The following DNAH6 variants were observed in gnomAD, a reference collection of about 807,000 sequenced individuals.
DNAH6 encodes the protein dynein axonemal heavy chain 6.
Under a neutral mutation model 491.4 loss-of-function variants are expected in DNAH6, and 340 were observed. The observed-to-expected ratio is 0.69, with a 90% CI of 0.63 to 0.76. The LOEUF (loss-of-function observed/expected upper bound fraction) is 0.76. Among genes scored for constraint, DNAH6 ranks in the 30% least tolerant of loss-of-function variants. The pLI, the probability that DNAH6 is intolerant of heterozygous loss-of-function variation, is 0.00. For synonymous variants in DNAH6, 1,603 were observed against 1,686.1 expected (o/e 0.95, Z 1.21); for missense variants, 4,443 against 4,972.2 (o/e 0.89, Z 3.20).
chr2:84,807,909 T>A (rs1008920024), intron 71 of DNAH6, among the ~76,000 whole-genome samples: 1 of 152,058 alleles, frequency 6.6e-6, no homozygotes, highest in African/African-American at 2.4e-5. Context: ...AGAATGAAAA[T>A]AAGCAGGCTT....
intron 35 of DNAH6, among the ~76,000 whole-genome samples, chr2:84,656,493 C>G (rs1029908749): frequency 1.3e-5 from 2 of 151,904 alleles, no homozygotes; most frequent in African/African-American, 4.8e-5. Flanking sequence ...CTAATGGGCA[C>G]GTAGTAGTAT....
intron 33 of DNAH6, among the ~76,000 whole-genome samples, chr2:84,647,664 C>A (rs953406772): frequency 1.3e-5 from 2 of 151,914 alleles, no homozygotes; most frequent in African/African-American, 4.8e-5. Context: ...ATATTTTAAC[C>A]CTTTTCCCAT....
chr2:84,574,684 A>G (rs1454772117), intron 12 of DNAH6, among the ~76,000 whole-genome samples: 2 of 152,204 alleles, frequency 1.3e-5, no homozygotes, highest in Non-Finnish European at 2.9e-5. Context: ...TGTGTGCTGA[A>G]CAGAAGCATA....
intron 37 of DNAH6, among the ~76,000 whole-genome samples, chr2:84,664,812 AT>A (rs974277774): frequency 2.4e-4 from 37 of 152,350 alleles, no homozygotes; most frequent in Middle Eastern, 6.8e-3. Context: ...TCAGCACCAC[AT>A]CGCACTTATT....
the DNAH6 span, among the ~76,000 whole-genome samples, chr2:84,464,065 G>A: frequency 6.6e-6 from 1 of 152,108 alleles, no homozygotes; most frequent in Non-Finnish European, 1.5e-5. Context: ...GCTAGGGTGA[G>A]GTGGATGTAG....
At chr2:84,720,556 G>T (rs1224401964) in intron 59 of DNAH6, among the ~76,000 whole-genome samples, 2 of 151,986 alleles carry the variant, frequency 1.3e-5, no homozygotes, top group African/African-American at 4.8e-5. Context: ...GGGATTACAG[G>T]CGTGAGCCAC....
At position 84,653,288 on chromosome 2, in the gene DNAH6, T is replaced by C. The variant is rs1332777888; in HGVS notation, c.5079-31T>C. 3.5e-6 allele frequency: 5 copies of C among 1,443,760 alleles called. No homozygotes were observed. In the Admixed American group the frequency reaches 1.3e-4, roughly 37 times the overall value. The allele number at this position is 1,443,760 out of a possible 1,614,324, so 89.4% of individuals were successfully genotyped here. A position where few individuals can be genotyped will look rare whatever the true frequency, so the allele number is the denominator to read the frequency against. On this transcript the variant is annotated intron_variant, in intron 33 of 76. Transcript: ENST00000389394. Reference sequence around the variant, plus strand: ...ACGGGAAAATATCAATGACCAGTTGTTCCTAATTGATTTTATTTTTGTTTT... The same window carrying C: ...ACGGGAAAATATCAATGACCAGTTGCTCCTAATTGATTTTATTTTTGTTTT...
In DNAH6 at chr2:84,658,315, T is replaced by C. The variant is rs894883996; in HGVS notation, c.5781T>C (p.Tyr1927=). 2.0e-6 allele frequency: 3 copies of C among 1,538,268 alleles called. No individual in the cohort carries two copies. In the African/African-American group the frequency reaches 4.1e-5, roughly 21 times the overall value. Residue 1927 remains tyrosine (Y), a synonymous_variant, in exon 36 of 77, where the codon TAT becomes TAC. Transcript: ENST00000389394. ...SKKLTEETQE[Y]ILNLFQRYVD... is the part of the protein sequence containing the mutation. ...AGCTGACTGAGGAAACCCAAGAATA[T>C]ATATTGAATCTTTTCCAACGTTATG...
intron 4 of DNAH6, among the ~76,000 whole-genome samples, chr2:84,542,802 A>G (rs993705910): frequency 2.0e-5 from 3 of 152,234 alleles, no homozygotes; most frequent in African/African-American, 4.8e-5. Flanking sequence ...CTTATCGTAC[A>G]TATATACATG....
chr2:84,530,158 G>A (rs906803632), intron 4 of DNAH6, among the ~76,000 whole-genome samples: 1 of 152,096 alleles, frequency 6.6e-6, no homozygotes, highest in South Asian at 2.1e-4. Flanking sequence ...TGCCCTCATG[G>A]AACTGACATT....
In DNAH6 at chr2:84,595,695, A is replaced by G. The variant is rs1684510351; in HGVS notation, c.2774A>G (p.Lys925Arg). ...DPEVLNGQVS[K>R]YAKFVTQLEK... ...GAAGTCCTAAACGGTCAAGTTTCTA[A>G]ATATGCTAAATTTGTGACTCAACTG... The change falls in exon 18 of 77, where the codon AAA becomes AGA. Residue 925 changes from lysine (K) to arginine (R), a missense_variant. By Grantham distance (26) the Lys-to-Arg change is conservative. Around this residue, in one of 3 missense-constraint regions of DNAH6, gnomAD observed 2,977 missense variants for 3,296.6 expected, o/e 0.90. Transcript: ENST00000389394. 4 of 1,551,156 alleles carry G rather than the reference A, an allele frequency of 2.6e-6. No homozygotes were observed. The highest frequency in any genetic ancestry group is 3.5e-6 in the Non-Finnish European group (4 of 1,146,714).
rs149048485 is a variant in DNAH6, at chr2:84,530,581, T to A, written c.662+1415T>A. Among the ~76,000 whole-genome samples, 536 of 152,214 alleles carry A rather than the reference T, an allele frequency of 3.5e-3. 3 individuals carry two copies. The highest frequency in any genetic ancestry group is 0.012 in the African/African-American group (516 of 41,546). On this transcript the variant is annotated intron_variant, in intron 4 of 76. Coordinates refer to ENST00000389394, the MANE Select transcript of DNAH6 (RefSeq NM_001370.2). ...GATTTTGGGCAGAAAAGTGTCACGA[T>A]CTGATTTACATTTTTTAAGGAAACA... is the stretch of plus-strand genomic sequence containing the variant.
chr2:84,579,175 G>T (rs1202285563), intron 13 of DNAH6, among the ~76,000 whole-genome samples: 1 of 152,194 alleles, frequency 6.6e-6, no homozygotes, highest in African/African-American at 2.4e-5. Flanking sequence ...CTGAAGGAGA[G>T]ATCAAATTCC....
At chr2:84,778,943 A>T (rs1334872604) in intron 64 of DNAH6, among the ~76,000 whole-genome samples, 5 of 152,122 alleles carry the variant, frequency 3.3e-5, no homozygotes, top group Admixed American at 2.6e-4. Flanking sequence ...TTTCCATGTA[A>T]TTGTGTGGTT....
chr2:84,655,757 C>T (rs1182740355), intron 35 of DNAH6, among the ~76,000 whole-genome samples: 2 of 152,110 alleles, frequency 1.3e-5, no homozygotes, highest in Non-Finnish European at 2.9e-5. Context: ...CACTCCCTCA[C>T]CCCCAAACAG....
At position 84,704,709 on chromosome 2, in the gene DNAH6, G is replaced by C. The variant is rs375379306; in HGVS notation, c.8465+407G>C. ...GCTTTAATGTTCTTGGAGTGGGATGGGGCTGGGCAGGAGGCCAGTGATTGC... is the reference window on the plus strand; with the variant it reads ...GCTTTAATGTTCTTGGAGTGGGATGCGGCTGGGCAGGAGGCCAGTGATTGC... On this transcript the variant is annotated intron_variant, in intron 51 of 76. Transcript: ENST00000389394. 5.9e-5 allele frequency among the ~76,000 whole-genome samples: 9 copies of C among 152,200 alleles called. No individual in the cohort carries two copies. The East Asian group carries it at 1.5e-3, about 26-fold the overall frequency.
At chr2:84,643,346 G>T (rs1271735165) in intron 33 of DNAH6, among the ~76,000 whole-genome samples, 1 of 151,606 alleles carries the variant, frequency 6.6e-6, no homozygotes, top group African/African-American at 2.4e-5. Context: ...ACCTGCTTCG[G>T]TATAATTTTT....
chr2:84,607,846 G>T (rs1238443507), intron 21 of DNAH6, among the ~76,000 whole-genome samples: 1 of 152,072 alleles, frequency 6.6e-6, no homozygotes, highest in East Asian at 1.9e-4. Context: ...AGACAACAAT[G>T]AAGTTTGCCA....
At chr2:84,742,188 T>G (rs2105028929) in intron 62 of DNAH6, among the ~76,000 whole-genome samples, 1 of 152,298 alleles carries the variant, frequency 6.6e-6, no homozygotes, top group South Asian at 2.1e-4. Flanking sequence ...AAATACATCT[T>G]CTAATATTAA....
Sources: gnomAD v4.1 joint callset for allele counts (sites outside exome capture counted in the v4.1 genomes callset) on GRCh38, gnomAD v4.1.1 for gene constraint, gnomAD v4.1.1 regional missense constraint, MANE v1.5 for transcripts, NCBI Gene and HGNC (gene_info 2026-07-23, HGNC 2026-07-21) for gene names.